The following QTMAN variants were observed in gnomAD, a reference collection of about 807,000 sequenced individuals.
QTMAN encodes tRNA-queuosine alpha-mannosyltransferase.
chr2:143,947,054 A>G, the QTMAN span: 5 of 1,610,416 alleles, frequency 3.1e-6, no homozygotes, highest in Non-Finnish European at 4.2e-6. Flanking sequence ...CCCATCTGTC[A>G]CAAATCTTCC....
chr2:144,191,658 TAAGAAAGA>T, the QTMAN span, among the ~76,000 whole-genome samples: 1 of 152,164 alleles, frequency 6.6e-6, no homozygotes, highest in African/African-American at 2.4e-5. Flanking sequence ...AGAATGGTGG[TAAGAAAGA>T]CAAAGTCTCT....
At chr2:144,147,452 T>TA in the QTMAN span, among the ~76,000 whole-genome samples, 5 of 151,956 alleles carry the variant, frequency 3.3e-5, no homozygotes, top group South Asian at 1.0e-3. Flanking sequence ...TTTGTTTACC[T>TA]AAAAATCTGA....
At chr2:144,304,167 C>T in the QTMAN span, among the ~76,000 whole-genome samples, 1 of 152,180 alleles carries the variant, frequency 6.6e-6, no homozygotes, top group Admixed American at 6.5e-5. Context: ...GAAGAGTAGA[C>T]GGACTTCGTT....
chr2:144,195,829 A>C, the QTMAN span, among the ~76,000 whole-genome samples: 1 of 152,140 alleles, frequency 6.6e-6, no homozygotes, highest in African/African-American at 2.4e-5. Flanking sequence ...AATATCTTTG[A>C]AGACTTGGAA....
chr2:144,249,802 T>A, the QTMAN span, among the ~76,000 whole-genome samples: 1 of 152,186 alleles, frequency 6.6e-6, no homozygotes, highest in African/African-American at 2.4e-5. Context: ...TAATACCAAC[T>A]GAACTTTATA....
the QTMAN span, among the ~76,000 whole-genome samples, chr2:144,206,670 T>C: frequency 6.6e-6 from 1 of 152,162 alleles, no homozygotes; most frequent in African/African-American, 2.4e-5. Flanking sequence ...TATATCACCA[T>C]CTTTCAGATA....
the QTMAN span, among the ~76,000 whole-genome samples, chr2:144,283,178 G>A: frequency 6.6e-6 from 1 of 152,216 alleles, no homozygotes; most frequent in Admixed American, 6.5e-5. Flanking sequence ...TTGTAGCTAA[G>A]TTGGACAGAA....
the QTMAN span, among the ~76,000 whole-genome samples, chr2:144,220,879 C>T: frequency 1.2e-4 from 18 of 152,110 alleles, no homozygotes; most frequent in Non-Finnish European, 1.9e-4. Context: ...TCCTATTATC[C>T]TCTTGCATTA....
chr2:144,172,588 C>T, the QTMAN span, among the ~76,000 whole-genome samples: 85 of 136,482 alleles, frequency 6.2e-4, no homozygotes, highest in African/African-American at 2.4e-3. Flanking sequence ...TGTGCCACTA[C>T]ACTCCAGCCT....
chr2:144,307,019 GGCGTGGTGGT>G, the QTMAN span, among the ~76,000 whole-genome samples: 1 of 151,502 alleles, frequency 6.6e-6, no homozygotes. Flanking sequence ...AAATTAGCTG[GGCGTGGTGGT>G]GCACGCCTGT....
At chr2:144,165,346 G>A in the QTMAN span, among the ~76,000 whole-genome samples, 5 of 151,978 alleles carry the variant, frequency 3.3e-5, no homozygotes, top group Middle Eastern at 3.4e-3. Flanking sequence ...CTCTCGCTCC[G>A]GGTGACAGAG....
At chr2:144,140,445 A>C in the QTMAN span, among the ~76,000 whole-genome samples, 1 of 152,048 alleles carries the variant, frequency 6.6e-6, no homozygotes, top group Admixed American at 6.6e-5. Context: ...TCAAAATATA[A>C]GGTTCATATT....
chr2:144,178,778 A>G, the QTMAN span: 1 of 333,212 alleles, frequency 3.0e-6, no homozygotes, highest in South Asian at 2.5e-5. Flanking sequence ...ATTTAGAGAA[A>G]GTAAAAAGGG....
the QTMAN span, among the ~76,000 whole-genome samples, chr2:144,088,760 A>G: frequency 6.6e-6 from 1 of 152,006 alleles, no homozygotes; most frequent in Non-Finnish European, 1.5e-5. Context: ...AGAAAACTGG[A>G]TAGCTACAGG....
At chr2:143,952,741 C>T in the QTMAN span, 1 of 1,337,332 alleles carries the variant, frequency 7.5e-7, no homozygotes, top group Non-Finnish European at 1.1e-6. Flanking sequence ...TATTAAATCT[C>T]AATAAAGATG....
At chr2:144,317,085 T>C in the QTMAN span, among the ~76,000 whole-genome samples, 1 of 152,304 alleles carries the variant, frequency 6.6e-6, no homozygotes, top group East Asian at 1.9e-4. Context: ...ATACTTACTC[T>C]AGCACCCTTT....
At chr2:144,013,206 T>C in the QTMAN span, among the ~76,000 whole-genome samples, 1 of 152,206 alleles carries the variant, frequency 6.6e-6, no homozygotes, top group Non-Finnish European at 1.5e-5. Context: ...CATTAACTCA[T>C]TCATTCAGTA....
the QTMAN span, among the ~76,000 whole-genome samples, chr2:144,268,258 C>T: frequency 6.6e-6 from 1 of 152,174 alleles, no homozygotes; most frequent in African/African-American, 2.4e-5. Flanking sequence ...ATGGTAGTTC[C>T]CTGAAGCCCT....
chr2:144,029,967 CAT>C, the QTMAN span, among the ~76,000 whole-genome samples: 1 of 152,072 alleles, frequency 6.6e-6, no homozygotes, highest in Non-Finnish European at 1.5e-5. Context: ...GAAAGGAGCT[CAT>C]AGATTTCACC....
Sources: gnomAD v4.1 joint callset for allele counts (sites outside exome capture counted in the v4.1 genomes callset) on GRCh38, gnomAD v4.1.1 for gene constraint, MANE v1.5 for transcripts, NCBI Gene and HGNC (gene_info 2026-07-23, HGNC 2026-07-21) for gene names.